The following SLC2A9 variants were observed in gnomAD, a reference collection of about 807,000 sequenced individuals.
SLC2A9 encodes solute carrier family 2 member 9, also known as solute carrier family 2, facilitated glucose transporter member 9.
SLC2A9 carries 39 observed loss-of-function variants against 50.6 expected under a neutral mutation model. That is an observed-to-expected ratio of 0.77 (90% CI 0.60 to 1.01). SLC2A9 has a LOEUF of 1.01. Ranked by LOEUF, SLC2A9 falls within the 50% of genes least tolerant of loss-of-function variation. The probability of loss-of-function intolerance (pLI) is 0.00; values close to 1 mark genes in which losing one functional copy is unlikely to be tolerated. For missense variants in SLC2A9, 686 were observed against 677.6 expected (o/e 1.01, Z -0.14); for synonymous variants, 324 against 276.9 (o/e 1.17, Z -1.69).
At position 9,970,279 on chromosome 4, in the gene SLC2A9, C is replaced by T. The variant is rs73227873; in HGVS notation, c.681+10313G>A. 5.2e-3 allele frequency among the ~76,000 whole-genome samples: 785 copies of T among 152,286 alleles called. 2 individuals carry two copies. The highest frequency in any genetic ancestry group is 7.1e-3 in the Non-Finnish European group (482 of 68,010). ...CAGTGGGGATGGAGAGAAGACATTCCTGACTCTACTTCACAGGGAGCCTTG... is the reference window on the plus strand; with the variant it reads ...CAGTGGGGATGGAGAGAAGACATTCTTGACTCTACTTCACAGGGAGCCTTG... On this transcript the variant is annotated intron_variant, in intron 5 of 11. Transcript: ENST00000264784.
intron 2 of SLC2A9, among the ~76,000 whole-genome samples, chr4:10,005,790 G>A (rs1560475539): frequency 2.0e-5 from 3 of 152,208 alleles, no homozygotes; most frequent in African/African-American, 7.2e-5. Context: ...TAAGCAATCT[G>A]TGTGCCTCTC....
At chr4:9,779,274 C>T (rs1218191562), downstream of SLC2A9, among the ~76,000 whole-genome samples, 2 of 152,162 alleles carry the variant, frequency 1.3e-5, no homozygotes, top group East Asian at 1.9e-4. Context: ...AAAGCCTTCC[C>T]TAAACATCTT....
chr4:9,830,911 T>C (rs1473342180), intron 11 of SLC2A9, among the ~76,000 whole-genome samples: 1 of 152,042 alleles, frequency 6.6e-6, no homozygotes, highest in Non-Finnish European at 1.5e-5. Context: ...TCTCTGTTGG[T>C]GATGAGAAGG....
intron 8 of SLC2A9, among the ~76,000 whole-genome samples, chr4:9,894,714 T>C (rs1738197186): frequency 6.6e-6 from 1 of 152,220 alleles, no homozygotes; most frequent in South Asian, 2.1e-4. Context: ...AAGCTGTTGC[T>C]GAAAATGAAG....
At position 9,941,458 on chromosome 4, in the gene SLC2A9, T is replaced by C. The variant is rs367722551; in HGVS notation, c.814+455A>G. Among the ~76,000 whole-genome samples the C allele has an allele frequency of 6.6e-5, 10 of 152,328 alleles. No homozygotes were observed. In the East Asian group the frequency reaches 1.9e-3, roughly 29 times the overall value. On this transcript the variant is annotated intron_variant, in intron 6 of 11. Transcript: ENST00000264784. ...ACTCAGACCAGTGCCTGGTGGGATC[T>C]GGTGTTCACTCTGTGCTTGCATCTT...
intron 5 of SLC2A9, among the ~76,000 whole-genome samples, chr4:9,967,725 T>C (rs1244755910): frequency 6.6e-6 from 1 of 151,936 alleles, no homozygotes; most frequent in Admixed American, 6.5e-5. Context: ...GTAAGAAAGA[T>C]TTAAGAAAAG....
upstream of SLC2A9, among the ~76,000 whole-genome samples, chr4:10,023,016 G>T (rs1243739634): frequency 1.3e-5 from 2 of 152,206 alleles, no homozygotes; most frequent in Non-Finnish European, 2.9e-5. Context: ...TCATTGAGTG[G>T]TGGGCCTAGA....
chr4:9,981,882 CT>C lies in SLC2A9; in HGVS notation c.536-1146del, dbSNP rs201949415. On this transcript the variant is annotated intron_variant, in intron 4 of 11. Coordinates refer to ENST00000264784, the MANE Select transcript of SLC2A9 (RefSeq NM_020041.3). ...CAGGTTTATCATTTGGCTTTAAATT[CT>C]TTTTTTTTTTTTTCCAAGATGGGGT... Among the ~76,000 whole-genome samples the C allele has an allele frequency of 2.1e-3, 305 of 143,452 alleles. 1 individual carries two copies. The highest frequency in any genetic ancestry group is 3.7e-3 in the Middle Eastern group (1 of 268). The allele number at this position is 143,452 out of a possible 152,430, so 94.1% of individuals were successfully genotyped here.
chr4:9,815,825 T>C (rs1439245506), intron 3 of SLC2A9, among the ~76,000 whole-genome samples: 1 of 152,132 alleles, frequency 6.6e-6, no homozygotes, highest in East Asian at 1.9e-4. Flanking sequence ...TAGTCTGGGT[T>C]AGGACAGTGT....
chr4:10,025,918 C>T (rs6820230), upstream of SLC2A9: 430,782 of 1,611,940 alleles, frequency 0.27, 63,022 homozygotes, highest in African/African-American at 0.51. Context: ...TTCTTTTTCG[C>T]TGAATCACTT....
At chr4:9,985,365 G>T (rs1436768714) in intron 4 of SLC2A9, among the ~76,000 whole-genome samples, 1 of 152,126 alleles carries the variant, frequency 6.6e-6, no homozygotes, top group African/African-American at 2.4e-5. Flanking sequence ...AATAACCTTG[G>T]AATATTAACA....
rs200800209 is a variant in SLC2A9 at position 9,782,864 on chromosome 4, G to A, written n.386-2799C>T. ...GAGCTGCCGGAGCAGCGCAGCCTGCGCGCCCGACACCAGCCTGCGCGCTTC... is the reference window on the plus strand; with the variant it reads ...GAGCTGCCGGAGCAGCGCAGCCTGCACGCCCGACACCAGCCTGCGCGCTTC... On this transcript the variant is annotated intron_variant and non_coding_transcript_variant, in intron 3 of 3. Transcript: ENST00000503803. 4 of 1,611,728 alleles carry A rather than the reference G, an allele frequency of 2.5e-6. No homozygotes were observed. The Admixed American group carries it at 6.7e-5, about 27-fold the overall frequency.
intron 6 of SLC2A9, among the ~76,000 whole-genome samples, chr4:9,939,762 C>A (rs951193464): frequency 6.6e-6 from 1 of 152,134 alleles, no homozygotes; most frequent in Non-Finnish European, 1.5e-5. Context: ...TAGACCTTCA[C>A]CCTCCCTCAC....
At chr4:9,963,646 C>A (rs1752624195) in intron 5 of SLC2A9, among the ~76,000 whole-genome samples, 1 of 152,098 alleles carries the variant, frequency 6.6e-6, no homozygotes, top group African/African-American at 2.4e-5. Flanking sequence ...TCAAGAGGCC[C>A]CTGCTCGCTG....
At chr4:9,932,696 G>A (rs1027295682) in intron 6 of SLC2A9, among the ~76,000 whole-genome samples, 7 of 152,222 alleles carry the variant, frequency 4.6e-5, no homozygotes, top group Non-Finnish European at 7.3e-5. Flanking sequence ...TGTGCTGACA[G>A]CATCCCACTA....
intron 10 of SLC2A9, among the ~76,000 whole-genome samples, chr4:9,847,904 C>T (rs2176644): frequency 0.21 from 32,209 of 152,028 alleles, 3,538 homozygotes; most frequent in Admixed American, 0.28. Context: ...CTGGTCTGAA[C>T]TGAAAGAGCA....
intron 3 of SLC2A9, among the ~76,000 whole-genome samples, chr4:9,819,950 C>CA (rs1724180046): frequency 6.6e-6 from 1 of 152,226 alleles, no homozygotes; most frequent in Non-Finnish European, 1.5e-5. Flanking sequence ...ACAACAACAA[C>CA]AAAAACCCCC....
intron 1 of SLC2A9, among the ~76,000 whole-genome samples, chr4:9,773,297 T>A (rs530486722): frequency 1.3e-5 from 2 of 152,152 alleles, no homozygotes; most frequent in Non-Finnish European, 2.9e-5. Context: ...TGTGCCAAGC[T>A]GAGCACATTG....
chr4:9,804,721 T>C (rs1721897954), intron 3 of SLC2A9, among the ~76,000 whole-genome samples: 1 of 152,200 alleles, frequency 6.6e-6, no homozygotes, highest in Non-Finnish European at 1.5e-5. Context: ...TACTACAGTC[T>C]TCAAGAGTTG....
Sources: allele counts gnomAD v4.1 joint callset (sites outside exome capture counted in the v4.1 genomes callset), GRCh38; gene constraint gnomAD v4.1.1; transcripts MANE v1.5; gene names NCBI Gene and HGNC (gene_info 2026-07-23, HGNC 2026-07-21).